Variants in SSBP3 observed in about 807,000 individuals in gnomAD.
The protein encoded by SSBP3 is single stranded DNA binding protein 3.
A neutral mutation model predicts 69.6 loss-of-function variants in SSBP3; 5 were observed. The observed-to-expected ratio is 0.07, with a 90% confidence interval of 0.04 to 0.15. The LOEUF is 0.15. Ranked by LOEUF, SSBP3 falls within the 10% of genes least tolerant of loss-of-function variation. The probability of loss-of-function intolerance (pLI) is 1.00; values close to 1 mark genes in which losing one functional copy is unlikely to be tolerated. For synonymous variants in SSBP3, 196 were observed against 193.4 expected, an observed-to-expected ratio of 1.01 and a Z score of -0.11; for missense variants, 312 against 534.0, an observed-to-expected ratio of 0.58 and a Z score of 4.10.
chr1:54,297,865 A>G (rs1213704614), intron 4 of SSBP3, among the ~76,000 whole-genome samples: 1 of 152,152 alleles, frequency 6.6e-6, no homozygotes, highest in Non-Finnish European at 1.5e-5. Flanking sequence ...GAGCTTTGCA[A>G]CAACTAAGCT....
intron 4 of SSBP3, among the ~76,000 whole-genome samples, chr1:54,341,632 T>C (rs1490121657): frequency 6.6e-6 from 1 of 151,490 alleles, no homozygotes; most frequent in East Asian, 1.9e-4. Context: ...GCTTAATTGC[T>C]ACCTGCCGTA....
chr1:54,404,833 G>A, intron 2 of SSBP3, 25 bp downstream of exon 2: 1 of 1,431,044 alleles, frequency 7.0e-7, no homozygotes, highest in Non-Finnish European at 9.8e-7. Flanking sequence ...TCAAGAAATT[G>A]GATGCTGGGG....
At chr1:54,297,687 C>T (rs1253839929) in intron 4 of SSBP3, among the ~76,000 whole-genome samples, 1 of 152,168 alleles carries the variant, frequency 6.6e-6, no homozygotes, top group East Asian at 1.9e-4. Flanking sequence ...ATCCCCATCA[C>T]CCTGGATAAT....
intron 4 of SSBP3, among the ~76,000 whole-genome samples, chr1:54,342,884 T>G (rs978134658): frequency 6.6e-6 from 1 of 152,172 alleles, no homozygotes; most frequent in Admixed American, 6.5e-5. Flanking sequence ...CCCCTCCCAG[T>G]GAGCTGACAC....
Position 54,259,582 on chromosome 1 carries a change from G to A in SSBP3, c.367-1433C>T, listed in dbSNP as rs557938534. Reference sequence around the variant, plus strand: ...TTTAGAAAAATTCAAAATGTGCACAGGGGGTGAGTGTGGCTAAATTAAAAA... The same window carrying A: ...TTTAGAAAAATTCAAAATGTGCACAAGGGGTGAGTGTGGCTAAATTAAAAA... On this transcript the variant is annotated intron_variant, in intron 5 of 17. Transcript: ENST00000610401. Among the ~76,000 whole-genome samples, 7 of 152,360 alleles carry A rather than the reference G, an allele frequency of 4.6e-5. No homozygotes were observed. In the South Asian group the frequency reaches 1.4e-3, roughly 32 times the overall value.
At chr1:54,364,543 G>A (rs1439490976) in intron 4 of SSBP3, among the ~76,000 whole-genome samples, 3 of 152,066 alleles carry the variant, frequency 2.0e-5, no homozygotes, top group East Asian at 1.9e-4. Context: ...CAGCAGCAGG[G>A]GAAAATATAA....
At chr1:54,371,044 G>T (rs1233195879) in intron 4 of SSBP3, among the ~76,000 whole-genome samples, 1 of 152,162 alleles carries the variant, frequency 6.6e-6, no homozygotes, top group Non-Finnish European at 1.5e-5. Flanking sequence ...GCGGCTGGAT[G>T]GGAGAGGAGC....
intron 5 of SSBP3, among the ~76,000 whole-genome samples, chr1:54,277,466 TGGAAGAGC>T (rs1645310226): frequency 6.6e-6 from 1 of 152,196 alleles, no homozygotes; most frequent in Admixed American, 6.5e-5. Context: ...GGAGTGTTTG[TGGAAGAGC>T]ACCCCATGAG....
At chr1:54,253,335 G>A (rs1326120659) in intron 7 of SSBP3, among the ~76,000 whole-genome samples, 1 of 151,772 alleles carries the variant, frequency 6.6e-6, no homozygotes, top group Admixed American at 6.6e-5. Flanking sequence ...GGGACTACAG[G>A]CACGCGCTGT....
At chr1:54,228,111 TA>T in intron 17 of SSBP3, 143 bp downstream of exon 17, 4 of 800,942 alleles carry the variant, frequency 5.0e-6, no homozygotes, top group South Asian at 1.6e-5. Context: ...ACACTTCTGC[TA>T]AAAAAATAAC....
intron 4 of SSBP3, among the ~76,000 whole-genome samples, chr1:54,391,786 C>T (rs780877959): frequency 5.3e-5 from 8 of 152,188 alleles, no homozygotes; most frequent in African/African-American, 9.7e-5. Context: ...GGGTCAACCT[C>T]GGTCAGACAG....
At chr1:54,289,309 G>C (rs1645562600) in intron 4 of SSBP3, among the ~76,000 whole-genome samples, 2 of 150,818 alleles carry the variant, frequency 1.3e-5, no homozygotes, top group Admixed American at 1.3e-4. Flanking sequence ...ACACATGTGT[G>C]TCAAGGAATG....
chr1:54,402,661 G>C (rs565925517), intron 3 of SSBP3, among the ~76,000 whole-genome samples: 1 of 152,122 alleles, frequency 6.6e-6, no homozygotes, highest in African/African-American at 2.4e-5. Context: ...CATTGCAGTA[G>C]AGGGCCCTCT....
chr1:54,406,821 C>T (rs1457271796), upstream of SSBP3, among the ~76,000 whole-genome samples: 2 of 151,646 alleles, frequency 1.3e-5, no homozygotes, highest in African/African-American at 4.8e-5. Flanking sequence ...CCGCCCCGTC[C>T]CTCTCCCTTA....
chr1:54,259,367 CAT>C (rs1644978257), intron 5 of SSBP3, among the ~76,000 whole-genome samples: 2 of 152,112 alleles, frequency 1.3e-5, no homozygotes, highest in African/African-American at 4.8e-5. Flanking sequence ...TGTAAATATT[CAT>C]GTGTGTGTAG....
chr1:54,238,784 C>T, intron 14 of SSBP3: 2 of 226,958 alleles, frequency 8.8e-6, no homozygotes, highest in South Asian at 1.1e-4. Context: ...GAGGGATTGC[C>T]CGGGCCACAG....
chr1:54,316,654 AAAAAAT>A lies in SSBP3; in HGVS notation c.277-35133_277-35128del, dbSNP rs1309904831. On this transcript the variant is annotated intron_variant, in intron 4 of 17. Transcript: ENST00000610401. ...CAGAGCGAGACTCCGTCTCAAAAAA[AAAAAAT>A]AAAATAAATAAATAAATAAATAAAT... Among the ~76,000 whole-genome samples, 20 of 72,910 alleles carry A rather than the reference AAAAAAT, an allele frequency of 2.7e-4. 2 individuals carry two copies. The highest frequency in any genetic ancestry group is 1.3e-3 in the African/African-American group (12 of 9,214). 47.8% of individuals were successfully genotyped at this position (72,910 alleles called of 152,430 possible). A position where few individuals can be genotyped will look rare whatever the true frequency, so the allele number is the denominator to read the frequency against.
chr1:54,278,645 T>C (rs968398389), intron 5 of SSBP3, among the ~76,000 whole-genome samples: 7 of 152,184 alleles, frequency 4.6e-5, no homozygotes, highest in African/African-American at 1.4e-4. Flanking sequence ...CTTCTACATT[T>C]AGGACCAGGC....
Position 54,251,701 on chromosome 1 carries a change from G to C in SSBP3, c.575-9C>G, listed in dbSNP as rs1373372649. The C allele has an allele frequency of 1.3e-6, 2 of 1,565,172 alleles. No homozygotes were observed. Among genetic ancestry groups the C allele is most frequent in the Admixed American group, 1.9e-5 (1 of 52,654 alleles). ...TCCCATGTTGGGGTGGCCTGCGTGA[G>C]AGAGGAGGCGCGTCATGGGATGGCA... On this transcript the variant is annotated splice_polypyrimidine_tract_variant and intron_variant, in intron 8 of 17. Transcript: ENST00000610401.
Sources: gnomAD v4.1 joint callset for allele counts (sites outside exome capture counted in the v4.1 genomes callset) on GRCh38, gnomAD v4.1.1 for gene constraint, MANE v1.5 for transcripts, NCBI Gene and HGNC (gene_info 2026-07-23, HGNC 2026-07-21) for gene names.